The following TANGO6 variants were observed in gnomAD, a reference collection of about 807,000 sequenced individuals.
The protein encoded by TANGO6 is transport and golgi organization 6 homolog, also known as transport and Golgi organization protein 6 homolog.
TANGO6 carries 90 observed loss-of-function variants against 114.2 expected under a neutral mutation model. The observed-to-expected ratio is 0.79, with a 90% CI of 0.66 to 0.94. TANGO6 has a LOEUF of 0.94. Ranked by LOEUF, TANGO6 falls within the 40% of genes least tolerant of loss-of-function variation. The probability of loss-of-function intolerance (pLI) is 0.00; values close to 1 mark genes in which losing one functional copy is unlikely to be tolerated. For missense variants in TANGO6, 1,274 were observed against 1,315.3 expected (o/e 0.97, Z 0.49); for synonymous variants, 477 against 509.8 (o/e 0.94, Z 0.87).
intron 5 of TANGO6, 39 bp downstream of exon 5, chr16:68,875,329 C>G: frequency 6.3e-7 from 1 of 1,596,768 alleles, no homozygotes; most frequent in Non-Finnish European, 8.6e-7. Flanking sequence ...TGAGGATTAT[C>G]TGCTTATTTA....
intron 11 of TANGO6, among the ~76,000 whole-genome samples, chr16:68,915,270 G>C (rs561279429): frequency 6.6e-6 from 1 of 150,952 alleles, no homozygotes; most frequent in South Asian, 2.1e-4. Flanking sequence ...TATATTTTTT[G>C]TTACTGTTGT....
At chr16:68,970,235 AAG>A (rs1963688843) in intron 14 of TANGO6, among the ~76,000 whole-genome samples, 1 of 152,178 alleles carries the variant, frequency 6.6e-6, no homozygotes, top group South Asian at 2.1e-4. Flanking sequence ...TTGTTACCAG[AAG>A]AGAGAGTAGA....
At chr16:68,949,719 A>G (rs1308945339) in intron 14 of TANGO6, among the ~76,000 whole-genome samples, 1 of 152,170 alleles carries the variant, frequency 6.6e-6, no homozygotes, top group African/African-American at 2.4e-5. Context: ...TGCTTTGAAA[A>G]ATAGTCTGGC....
rs552999353 is a variant in TANGO6 at position 69,084,901 on chromosome 16, C to T, written c.*1240C>T. On this transcript the variant is annotated 3_prime_UTR_variant, in exon 18 of 18. Transcript: ENST00000261778. ...ACAGGATATTTCTCTCTGGCCAGAT[C>T]ACAGACATGGTTCTGAGTCAGATCT... is the stretch of plus-strand genomic sequence containing the variant. 2 of 152,486 alleles carry T rather than the reference C, an allele frequency of 1.3e-5. No homozygotes were observed. Among genetic ancestry groups the T allele is most frequent in the Non-Finnish European group, 2.9e-5 (2 of 68,038 alleles). 9.4% of individuals were successfully genotyped at this position (152,486 alleles called of 1,614,324 possible).
chr16:68,968,248 T>C (rs1434095544), intron 14 of TANGO6, among the ~76,000 whole-genome samples: 1 of 151,888 alleles, frequency 6.6e-6, no homozygotes, highest in African/African-American at 2.4e-5. Flanking sequence ...GTATTTTTAG[T>C]AGAGACAGGG....
Position 68,902,496 on chromosome 16 carries a change from G to C in TANGO6, c.1659G>C (p.Glu553Asp), listed in dbSNP as rs772448487. Residue 553 changes from glutamate to aspartate, a missense_variant, in exon 9 of 18, where the codon GAG becomes GAC. Glu to Asp is a conservative substitution (Grantham distance 45). Around this residue, in one of 5 missense-constraint regions of TANGO6, gnomAD observed 908 missense variants for 910.2 expected, o/e 1.00. Transcript: ENST00000261778. ...GTGGCATTATGATTACCATCAAAGA[G>C]GCCATTAGGTGAGTCCACCCATCCG... ...TQGGIMITIK[E>D]AISDEDEDEA... 8 of 1,610,568 alleles carry C rather than the reference G, an allele frequency of 5.0e-6. No individual in the cohort carries two copies. Among genetic ancestry groups the C allele is most frequent in the Non-Finnish European group, 6.8e-6 (8 of 1,178,556 alleles).
intron 17 of TANGO6, among the ~76,000 whole-genome samples, chr16:69,062,423 G>A (rs1261959656): frequency 6.6e-6 from 1 of 151,992 alleles, no homozygotes; most frequent in East Asian, 1.9e-4. Flanking sequence ...ATTATTATTA[G>A]ATTGTAAGAG....
At chr16:69,074,402 A>T (rs1960341368) in intron 17 of TANGO6, among the ~76,000 whole-genome samples, 1 of 152,016 alleles carries the variant, frequency 6.6e-6, no homozygotes, top group African/African-American at 2.4e-5. Flanking sequence ...ATTTATTAAG[A>T]GAGTAAAGTA....
chr16:69,067,090 T>C (rs563814154), intron 17 of TANGO6, among the ~76,000 whole-genome samples: 1 of 152,168 alleles, frequency 6.6e-6, no homozygotes, highest in Non-Finnish European at 1.5e-5. Flanking sequence ...AGACAAAGGG[T>C]CTTGCTGTGT....
At chr16:69,062,787 T>TAAAAAAAAAAAAA (rs35731381) in intron 17 of TANGO6, among the ~76,000 whole-genome samples, 3 of 113,732 alleles carry the variant, frequency 2.6e-5, no homozygotes, top group East Asian at 2.7e-4. Flanking sequence ...AAAAGAAATT[T>TAAAAAAAAAAAAA]AAAAAAAAAA....
At position 68,875,140 on chromosome 16, in the gene TANGO6, C is replaced by T; in HGVS notation, c.995-14C>T. On this transcript the variant is annotated splice_polypyrimidine_tract_variant and intron_variant, in intron 4 of 17. Transcript: ENST00000261778. ...ATTGCTGTGAGCTGCTAACATCTCT[C>T]TCCATTGTGCCAGCGGGAGCAGCTG... The T allele has an allele frequency of 6.2e-7, 1 of 1,608,802 alleles. No individual in the cohort carries two copies. The highest frequency in any genetic ancestry group is 1.3e-5 in the African/African-American group (1 of 74,944).
intron 15 of TANGO6, among the ~76,000 whole-genome samples, chr16:69,003,163 A>G (rs1964059595): frequency 6.6e-6 from 1 of 152,226 alleles, no homozygotes; most frequent in African/African-American, 2.4e-5. Flanking sequence ...GGTAAAACAA[A>G]AAAAGCCTTA....
intron 1 of TANGO6, among the ~76,000 whole-genome samples, chr16:68,845,060 C>T (rs1179443597): frequency 6.6e-6 from 1 of 151,760 alleles, no homozygotes; most frequent in Non-Finnish European, 1.5e-5. Flanking sequence ...CTCTGCCTCC[C>T]AGGTTCAAGC....
At chr16:68,904,708 T>C (rs1297741697) in intron 9 of TANGO6, among the ~76,000 whole-genome samples, 2 of 152,236 alleles carry the variant, frequency 1.3e-5, no homozygotes, top group African/African-American at 2.4e-5. Context: ...AAAAGTCAAC[T>C]AGTATCTTAT....
At chr16:69,041,407 TTA>T (rs1959772937) in intron 17 of TANGO6, among the ~76,000 whole-genome samples, 1 of 151,468 alleles carries the variant, frequency 6.6e-6, no homozygotes, top group Non-Finnish European at 1.5e-5. Context: ...GATCTTGCCA[TTA>T]CACTCCAGCC....
chr16:68,844,106 C>A (rs962541115), intron 1 of TANGO6, among the ~76,000 whole-genome samples: 2 of 152,104 alleles, frequency 1.3e-5, no homozygotes, highest in African/African-American at 4.8e-5. Flanking sequence ...CAGGGGCCAG[C>A]ATGGACCCTT....
At chr16:68,994,052 A>G (rs1478341537) in intron 15 of TANGO6, among the ~76,000 whole-genome samples, 2 of 152,178 alleles carry the variant, frequency 1.3e-5, no homozygotes, top group Non-Finnish European at 2.9e-5. Context: ...AAGCTTATGC[A>G]CTGATTAAGC....
At chr16:68,860,628 A>G (rs1475062295) in intron 2 of TANGO6, 104 bp downstream of exon 2, 8 of 1,399,914 alleles carry the variant, frequency 5.7e-6, no homozygotes, top group Non-Finnish European at 7.6e-6. Context: ...GTTCTTCAGA[A>G]CTGGATATGC....
At chr16:69,058,697 G>A (rs942654760) in intron 17 of TANGO6, among the ~76,000 whole-genome samples, 9 of 152,028 alleles carry the variant, frequency 5.9e-5, no homozygotes, top group African/African-American at 9.7e-5. Flanking sequence ...ACGGAGTCTC[G>A]CTCTGTCACC....
Sources: gnomAD v4.1 joint callset for allele counts (sites outside exome capture counted in the v4.1 genomes callset) on GRCh38, gnomAD v4.1.1 for gene constraint, gnomAD v4.1.1 regional missense constraint, MANE v1.5 for transcripts, NCBI Gene and HGNC (gene_info 2026-07-23, HGNC 2026-07-21) for gene names.